Variants in ECE1 observed in about 807,000 individuals in gnomAD.
The protein encoded by ECE1 is endothelin-converting enzyme 1.
In ECE1, 35 loss-of-function variants were observed where a neutral mutation model predicts 98.6. That is an observed-to-expected ratio of 0.35 (90% CI 0.27 to 0.47). The LOEUF is 0.47. Among genes scored for constraint, ECE1 ranks in the 20% least tolerant of loss-of-function variants. The pLI is 1.00. For synonymous variants in ECE1, 394 were observed against 407.1 expected (o/e 0.97, Z 0.39); for missense variants, 814 against 1,025.3 (o/e 0.79, Z 2.81).
chr1:21,225,515 G>A lies in ECE1; in HGVS notation c.1850-75C>T, dbSNP rs929555765. ...GGACCTGCTGCTCCTCCCTGCTCCT[G>A]GTGAGAAGCGGTTCATCCGTCCACC... On this transcript the variant is annotated intron_variant, in intron 16 of 18. Transcript: ENST00000374893. The surrounding 1 kb of genome is among the most constrained non-coding windows in gnomAD (Gnocchi z 5.3). 14 of 1,525,164 alleles carry A rather than the reference G, an allele frequency of 9.2e-6. No individual in the cohort carries two copies. The highest frequency in any genetic ancestry group is 1.2e-5 in the Non-Finnish European group (14 of 1,122,218). The allele number at this position is 1,525,164 out of a possible 1,614,324, so 94.5% of individuals were successfully genotyped here.
At chr1:21,308,157 C>CT (rs1341634441) in intron 1 of ECE1, among the ~76,000 whole-genome samples, 2 of 152,236 alleles carry the variant, frequency 1.3e-5, no homozygotes, top group African/African-American at 4.8e-5. Context: ...GTAAACCTCA[C>CT]TCTCTGCTGT....
upstream of ECE1, chr1:21,290,481 G>A: frequency 2.5e-6 from 3 of 1,222,770 alleles, no homozygotes; most frequent in Non-Finnish European, 2.0e-6. This position sits in a 1 kb window ranked among gnomAD's most constrained non-coding sequence, Gnocchi z 7.3. Flanking sequence ...GCCAGGCGTT[G>A]CACCACCTTC....
chr1:21,277,642 C>A (rs2098249101), intron 3 of ECE1, among the ~76,000 whole-genome samples: 3 of 152,210 alleles, frequency 2.0e-5, no homozygotes, highest in Non-Finnish European at 4.4e-5. Context: ...CTGTTCCCAG[C>A]CTGATCTTCC....
chr1:21,241,430 T>G (rs535433152), intron 10 of ECE1, among the ~76,000 whole-genome samples: 135 of 151,028 alleles, frequency 8.9e-4, no homozygotes, highest in Non-Finnish European at 1.7e-3. Flanking sequence ...GGTGTTTTTT[T>G]TTTTTTTTTT....
chr1:21,279,138 G>C, intron 3 of ECE1, 53 bp downstream of exon 3: 1 of 1,613,778 alleles, frequency 6.2e-7, no homozygotes, highest in Admixed American at 1.7e-5. Flanking sequence ...CCGAGCTGAC[G>C]GAGCCGGGTG....
chr1:21,272,920 G>T lies in ECE1; in HGVS notation c.281-9C>A, dbSNP rs1194024785. The T allele has an allele frequency of 6.2e-7, 1 of 1,614,052 alleles. No individual in the cohort carries two copies. Among genetic ancestry groups the T allele is most frequent in the Non-Finnish European group, 8.5e-7 (1 of 1,179,904 alleles). On this transcript the variant is annotated splice_polypyrimidine_tract_variant and intron_variant, in intron 3 of 18. Transcript: ENST00000374893. Reference sequence around the variant, plus strand: ...GCACACAGAGGGGGATCCTGGAAGGGTTAAGGACAAGAGGCCAGTGAAGGG... The same window carrying T: ...GCACACAGAGGGGGATCCTGGAAGGTTTAAGGACAAGAGGCCAGTGAAGGG...
At chr1:21,254,940 C>G (rs528083160) in intron 8 of ECE1, among the ~76,000 whole-genome samples, 1 of 152,308 alleles carries the variant, frequency 6.6e-6, no homozygotes, top group East Asian at 1.9e-4. Context: ...GTTAGACTCA[C>G]CTTCCCTGAC....
chr1:21,285,781 C>A (rs974069341), intron 2 of ECE1, among the ~76,000 whole-genome samples: 1 of 151,410 alleles, frequency 6.6e-6, no homozygotes, highest in Admixed American at 6.6e-5. Flanking sequence ...CACCTGAGGT[C>A]GGGAGTTTGA....
rs1385199845 is a variant in ECE1, at chr1:21,231,232, A to C, written c.1670+2326T>G. Among the ~76,000 whole-genome samples, 9 of 152,300 alleles carry C rather than the reference A, an allele frequency of 5.9e-5. No homozygotes were observed. In the East Asian group the frequency reaches 1.7e-3, roughly 29 times the overall value. On this transcript the variant is annotated intron_variant, in intron 14 of 18. Transcript: ENST00000374893. ...CATTTCAATGACTTCTCTGGTACAG[A>C]GGGGAAGGGTGAGTGAGGAGTGCAG...
intron 4 of ECE1, among the ~76,000 whole-genome samples, chr1:21,268,132 C>G (rs2098236193): frequency 6.6e-6 from 1 of 152,112 alleles, no homozygotes; most frequent in South Asian, 2.1e-4. Flanking sequence ...TTGGTAGCCA[C>G]AGAAGACAAT....
At position 21,258,602 on chromosome 1, in the gene ECE1, AAG is replaced by A; in HGVS notation, c.762+89_762+90del. 1.5e-6 allele frequency: 1 copy of A among 662,970 alleles called. No individual in the cohort carries two copies. Among genetic ancestry groups the A allele is most frequent in the South Asian group, 1.4e-5 (1 of 73,122 alleles). 41.1% of individuals were successfully genotyped at this position (662,970 alleles called of 1,614,324 possible). A position where few individuals can be genotyped will look rare whatever the true frequency, so the allele number is the denominator to read the frequency against. On this transcript the variant is annotated intron_variant, in intron 6 of 18. Transcript: ENST00000374893. The surrounding 1 kb of genome is among the most constrained non-coding windows in gnomAD (Gnocchi z 4.2). ...AGAAGACCGCCGTCCCACCCAGGGCAAGCCCCTCTCCCACCCCAGGTCCTGCT... is the reference window on the plus strand; with the variant it reads ...AGAAGACCGCCGTCCCACCCAGGGCACCCCTCTCCCACCCCAGGTCCTGCT...
At chr1:21,311,821 T>A (rs1197700083) in intron 1 of ECE1, among the ~76,000 whole-genome samples, 3 of 148,192 alleles carry the variant, frequency 2.0e-5, no homozygotes, top group South Asian at 2.2e-4. Context: ...CAAAAAAAAA[T>A]TTTTTTAAAT....
intron 4 of ECE1, among the ~76,000 whole-genome samples, chr1:21,265,389 G>A (rs1188767795): frequency 3.3e-5 from 5 of 152,230 alleles, no homozygotes; most frequent in African/African-American, 1.2e-4. Context: ...AAAGTTATCC[G>A]GGTGTGGTGG....
chr1:21,337,515 T>C lies in ECE1; in HGVS notation c.3+7861A>G, dbSNP rs547919529. ...TGTAAAACGTGAGCTGTACAAGATATGCATACATTACTTAAGTAAATTATA... is the reference window on the plus strand; with the variant it reads ...TGTAAAACGTGAGCTGTACAAGATACGCATACATTACTTAAGTAAATTATA... On this transcript the variant is annotated intron_variant, in intron 1 of 18. Transcript: ENST00000415912. Among the ~76,000 whole-genome samples, 454 of 152,310 alleles carry C rather than the reference T, an allele frequency of 3.0e-3. 4 individuals are homozygous for C. The highest frequency in any genetic ancestry group is 4.3e-3 in the Non-Finnish European group (293 of 68,022).
chr1:21,227,922 G>A lies in ECE1; in HGVS notation c.1781+9C>T. On this transcript the variant is annotated intron_variant, in intron 15 of 18. Coordinates refer to ENST00000374893, the MANE Select transcript of ECE1 (RefSeq NM_001397.3). The stretch of plus-strand genomic sequence containing the variant: ...AAGAATTGGGGTAGGGGCCCCAGAG[G>A]CAGCCTACTTGGGTGAGGAGCGTGT... 2 of 1,550,312 alleles carry A rather than the reference G, an allele frequency of 1.3e-6. No homozygotes were observed. Among genetic ancestry groups the A allele is most frequent in the Non-Finnish European group, 1.7e-6 (2 of 1,145,752 alleles).
intron 4 of ECE1, among the ~76,000 whole-genome samples, chr1:21,268,383 G>C (rs1046399865): frequency 1.3e-5 from 2 of 152,214 alleles, no homozygotes; most frequent in Admixed American, 1.3e-4. Flanking sequence ...AGTGAGGTGC[G>C]AGGCATCTGT....
In ECE1 at chr1:21,218,856, G is replaced by T. The variant is rs912166605; in HGVS notation, c.*1099C>A. The stretch of plus-strand genomic sequence containing the variant: ...TCCGCCCACCTCAACCTCCCAAAGT[G>T]CTGGGATTACAGGAGTGAGCCACCG... On this transcript the variant is annotated 3_prime_UTR_variant, in exon 19 of 19. Transcript: ENST00000374893. This position sits in a 1 kb window ranked among gnomAD's most constrained non-coding sequence, Gnocchi z 4.0. The T allele has an allele frequency of 1.3e-5, 2 of 152,258 alleles. No individual in the cohort carries two copies. Among genetic ancestry groups the T allele is most frequent in the Non-Finnish European group, 2.9e-5 (2 of 68,150 alleles). The allele number at this position is 152,258 out of a possible 1,614,324, so 9.4% of individuals were successfully genotyped here.
chr1:21,273,782 G>C (rs1011961404), intron 3 of ECE1, among the ~76,000 whole-genome samples: 1 of 152,208 alleles, frequency 6.6e-6, no homozygotes, highest in Non-Finnish European at 1.5e-5. Flanking sequence ...TTGAACCCGG[G>C]AGATGGAGGT....
chr1:21,294,397 C>T, upstream of ECE1: 1 of 152,498 alleles, frequency 6.6e-6, no homozygotes, highest in Non-Finnish European at 1.5e-5. This position sits in a 1 kb window ranked among gnomAD's most constrained non-coding sequence, Gnocchi z 4.2. Context: ...CACTGTGCAG[C>T]CGTGGAGGAG....
Sources: gnomAD v4.1 joint callset for allele counts (sites outside exome capture counted in the v4.1 genomes callset) on GRCh38, gnomAD v4.1.1 for gene constraint, Gnocchi (gnomAD v3.1) non-coding constraint, MANE v1.5 for transcripts, NCBI Gene and HGNC (gene_info 2026-07-23, HGNC 2026-07-21) for gene names.